Variants in PGGHG observed in about 807,000 individuals in gnomAD.
The protein encoded by PGGHG is ATH1, acid trehalase-like 1.
In PGGHG, 67 loss-of-function variants were observed where a neutral mutation model predicts 74.5. The observed-to-expected ratio is 0.90, with a 90% CI of 0.74 to 1.10. The LOEUF is 1.10. Among genes scored for constraint, PGGHG ranks in the 50% least tolerant of loss-of-function variants. The pLI is 0.00. For missense variants in PGGHG, 1,034 were observed against 981.5 expected (o/e 1.05, Z -0.72); for synonymous variants, 496 against 419.9 (o/e 1.18, Z -2.21).
At position 294,661 on chromosome 11, in the gene PGGHG, T is replaced by C. The variant is rs769858429; in HGVS notation, c.2126T>C (p.Val709Ala). ...TTCCCTGGGAGGACTTTTTCAGATG[T>C]TAGGGACCCGCTCCAGAGCCCCCTC... ...SEFPGRTFSD[V>A]RDPLQSPLWV... is the part of the protein sequence containing the mutation. Residue 709 changes from valine (V) to alanine (A), a missense_variant, in exon 14 of 14, where the codon GTT becomes GCT. Coordinates refer to ENST00000409548, the MANE Select transcript of PGGHG (RefSeq NM_025092.5). 5.0e-6 allele frequency: 8 copies of C among 1,613,704 alleles called. No homozygotes were observed. Among genetic ancestry groups the C allele is most frequent in the Non-Finnish European group, 6.8e-6 (8 of 1,179,946 alleles).
intron 6 of PGGHG, 63 bp from the exon 7 acceptor site, chr11:292,819 CACAG>C: frequency 6.2e-7 from 1 of 1,610,484 alleles, no homozygotes; most frequent in Middle Eastern, 1.9e-4. Flanking sequence ...TGCTTCTGGG[CACAG>C]ACAGGCCACT....
chr11:293,513 C>A lies in PGGHG; in HGVS notation c.1480+11C>A. The A allele has an allele frequency of 6.2e-7, 1 of 1,611,510 alleles. No individual in the cohort carries two copies. Among genetic ancestry groups the A allele is most frequent in the Non-Finnish European group, 8.5e-7 (1 of 1,179,872 alleles). ...ATGGGTATGAGCCTGGTGAGTGGACCCCTTCAAGGGCTCCTCCCCTGCCGT... is the reference window on the plus strand; with the variant it reads ...ATGGGTATGAGCCTGGTGAGTGGACACCTTCAAGGGCTCCTCCCCTGCCGT... On this transcript the variant is annotated intron_variant, in intron 9 of 13. Transcript: ENST00000409548.
rs1845818374 is a variant in PGGHG, at chr11:294,470, T to A, written c.2012T>A (p.Leu671Gln). 2.5e-6 allele frequency: 3 copies of A among 1,184,098 alleles called. No individual in the cohort carries two copies. Among genetic ancestry groups the A allele is most frequent in the Non-Finnish European group, 3.3e-6 (3 of 920,308 alleles). 73.3% of individuals were successfully genotyped at this position (1,184,098 alleles called of 1,614,324 possible). A position where few individuals can be genotyped will look rare whatever the true frequency, so the allele number is the denominator to read the frequency against. Residue 671 changes from leucine to glutamine, a missense_variant, in exon 13 of 14, where the codon CTG becomes CAG. Physicochemically the swap from Leu to Gln is moderately radical, Grantham distance 113 (BLOSUM62 -2). Transcript: ENST00000409548. ...TGGCCATCCCAGTCCCGGCTCTCCC[T>A]GTTGCCAGGTAGAACAGCCCCCAAC... is the stretch of plus-strand genomic sequence containing the variant. ...ELWPSQSRLS[L>Q]LPGHKVSFPR... is the part of the protein sequence containing the mutation.
Position 293,243 on chromosome 11 carries a change from A to G in PGGHG, c.1343+8A>G. On this transcript the variant is annotated splice_region_variant and intron_variant, in intron 8 of 13. Coordinates refer to ENST00000409548, the MANE Select transcript of PGGHG (RefSeq NM_025092.5). Reference sequence around the variant, plus strand: ...CGTCCTGGTCCAGAACAGGTCAGACACAAGATCCCCTCACCTCACCCCACC... The same window carrying G: ...CGTCCTGGTCCAGAACAGGTCAGACGCAAGATCCCCTCACCTCACCCCACC... 6.2e-7 allele frequency: 1 copy of G among 1,612,288 alleles called. No individual in the cohort carries two copies. The highest frequency in any genetic ancestry group is 8.5e-7 in the Non-Finnish European group (1 of 1,179,464).
At position 290,505 on chromosome 11, in the gene PGGHG, G is replaced by A. The variant is rs557163083; in HGVS notation, c.375G>A (p.Pro125=). 4.3e-4 allele frequency: 664 copies of A among 1,550,358 alleles called. 2 individuals carry two copies. The African/African-American group carries it at 8.1e-3, about 19-fold the overall frequency. The change falls in exon 3 of 14, where the codon CCG becomes CCA. Residue 125 remains proline (P), a synonymous_variant. Transcript: ENST00000409548. ...AFRVSIARLA[P]GSGPITLLLR... is the part of the protein sequence containing the mutation. ...GAGTGTCCATCGCCCGCCTGGCCCC[G>A]GGGAGCGGGCCCATCACGCTGCTCC...
Position 292,636 on chromosome 11 carries a change from G to GCC in PGGHG, c.1118_1119dup (p.Val374ProfsTer50). On this transcript the variant is annotated frameshift_variant, in exon 6 of 14. Transcript: ENST00000409548. LOFTEE classifies it high-confidence loss of function. The stretch of plus-strand genomic sequence containing the variant: ...AGTCCAGGAGGTCCACGTCAACGGG[G>GCC]CCGTGGTGTTGGCCTTCGAGCTGTA... 1 of 1,613,790 alleles carries GCC rather than the reference G, an allele frequency of 6.2e-7. No individual in the cohort carries two copies. Among genetic ancestry groups the GCC allele is most frequent in the South Asian group, 1.1e-5 (1 of 91,090 alleles).
At position 289,704 on chromosome 11, in the gene PGGHG, C is replaced by G; in HGVS notation, c.-13-100C>G. The G allele has an allele frequency of 7.2e-7, 1 of 1,394,640 alleles. No individual in the cohort carries two copies. The allele number at this position is 1,394,640 out of a possible 1,614,324, so 86.4% of individuals were successfully genotyped here. ...CGGGGCTGCCCAGCTGGTTCCGCAACTCCCCCCAGTTCTGAGGGAGGCTTC... is the reference window on the plus strand; with the variant it reads ...CGGGGCTGCCCAGCTGGTTCCGCAAGTCCCCCCAGTTCTGAGGGAGGCTTC... On this transcript the variant is annotated intron_variant, in intron 1 of 13. Coordinates refer to ENST00000409548, the MANE Select transcript of PGGHG (RefSeq NM_025092.5). The surrounding 1 kb of genome is among the most constrained non-coding windows in gnomAD (Gnocchi z 5.6).
intron 11 of PGGHG, 60 bp downstream of exon 11, chr11:293,985 T>G: frequency 1.3e-6 from 2 of 1,594,088 alleles, no homozygotes; most frequent in Non-Finnish European, 1.7e-6. Context: ...GAGCCCAGCC[T>G]CAGAGCAGGC....
In PGGHG at chr11:289,708, C is replaced by T; in HGVS notation, c.-13-96C>T. On this transcript the variant is annotated intron_variant, in intron 1 of 13. Coordinates refer to ENST00000409548, the MANE Select transcript of PGGHG (RefSeq NM_025092.5). The surrounding 1 kb of genome is among the most constrained non-coding windows in gnomAD (Gnocchi z 5.6). ...GCTGCCCAGCTGGTTCCGCAACTCC[C>T]CCCAGTTCTGAGGGAGGCTTCAGGG... 2 of 1,412,238 alleles carry T rather than the reference C, an allele frequency of 1.4e-6. No individual in the cohort carries two copies. The highest frequency in any genetic ancestry group is 9.3e-7 in the Non-Finnish European group (1 of 1,070,296). 87.5% of individuals were successfully genotyped at this position (1,412,238 alleles called of 1,614,324 possible). A position where few individuals can be genotyped will look rare whatever the true frequency, so the allele number is the denominator to read the frequency against.
rs1370880734 is a variant in PGGHG at position 293,405 on chromosome 11, T to G, written c.1383T>G (p.Leu461=). The G allele has an allele frequency of 1.9e-6, 3 of 1,612,488 alleles. No individual in the cohort carries two copies. The highest frequency in any genetic ancestry group is 2.5e-6 in the Non-Finnish European group (3 of 1,179,976). Residue 461 remains leucine, a synonymous_variant, in exon 9 of 14, where the codon CTT becomes CTG. Transcript: ENST00000409548. ...CTGCCCTGGCCCAGGACCTGGGTCTTCCCATCCCCAGCCAGTGGCTGGCGG... is the reference window on the plus strand; with the variant it reads ...CTGCCCTGGCCCAGGACCTGGGTCTGCCCATCCCCAGCCAGTGGCTGGCGG... ...FAAALAQDLG[L]PIPSQWLAVA...
intron 2 of PGGHG, 144 bp downstream of exon 2, chr11:290,219 C>T (rs970152898): frequency 1.5e-6 from 2 of 1,373,378 alleles, no homozygotes; most frequent in Non-Finnish European, 1.9e-6. Context: ...CCCGCAGGGT[C>T]CCCCCTTCCC....
intron 4 of PGGHG, chr11:291,748 C>T (rs1476930100): frequency 2.6e-5 from 14 of 544,310 alleles, no homozygotes; most frequent in East Asian, 3.5e-5. Context: ...GCCACACAAA[C>T]GCCGGCTGGG....
Position 293,689 on chromosome 11 carries a change from G to T in PGGHG, c.1576G>T (p.Glu526Ter). The T allele has an allele frequency of 6.2e-7, 1 of 1,613,218 alleles. No individual in the cohort carries two copies. Among genetic ancestry groups the T allele is most frequent in the African/African-American group, 1.3e-5 (1 of 75,016 alleles). ...TCGCAGGAAAAATCTGGAGATTTACGAGGCTGTGACGTCCCCCCAGGGCCC... is the reference window on the plus strand; with the variant it reads ...TCGCAGGAAAAATCTGGAGATTTACTAGGCTGTGACGTCCCCCCAGGGCCC... ...DVRRKNLEIYEAVTSPQGPAM... is the reference protein window; with the variant it reads ...DVRRKNLEIY Residue 526 changes from glutamate (E) to a stop codon, truncating the protein, a stop_gained, in exon 10 of 14, where the codon GAG becomes TAG. Coordinates refer to ENST00000409548, the MANE Select transcript of PGGHG (RefSeq NM_025092.5). LOFTEE classifies it high-confidence loss of function.
In PGGHG at chr11:292,577, CCGGCCTAGAGGTTTG is replaced by C. The variant is rs1281527835; in HGVS notation, c.1060_1074del (p.Gly354_Cys358del). ...AAGTTTGCCTGGGAGAGTGCAGACT[CCGGCCTAGAGGTTTG>C]CCCTGAGGACATTTACGGAGTCCAG... On this transcript the variant is annotated inframe_deletion, in exon 6 of 14. Coordinates refer to ENST00000409548, the MANE Select transcript of PGGHG (RefSeq NM_025092.5). 5 of 1,613,426 alleles carry C rather than the reference CCGGCCTAGAGGTTTG, an allele frequency of 3.1e-6. No homozygotes were observed. Among genetic ancestry groups the C allele is most frequent in the Non-Finnish European group, 4.2e-6 (5 of 1,179,990 alleles).
Position 290,731 on chromosome 11 carries a change from A to G in PGGHG, c.524A>G (p.Glu175Gly). 1.2e-6 allele frequency: 2 copies of G among 1,607,312 alleles called. No individual in the cohort carries two copies. Among genetic ancestry groups the G allele is most frequent in the South Asian group, 1.1e-5 (1 of 90,622 alleles). Residue 175 changes from glutamate to glycine, a missense_variant, in exon 4 of 14, where the codon GAG becomes GGG. Glu to Gly is a moderately conservative substitution (Grantham distance 98). Coordinates refer to ENST00000409548, the MANE Select transcript of PGGHG (RefSeq NM_025092.5). ...TPEQPGGPQQ[E>G]VHMLWTPAPP... ...GAGCAGCCCGGGGGGCCACAGCAAG[A>G]GGTACACATGCTGTGGACACCAGCA...
chr11:291,617 C>T (rs1247008042), intron 4 of PGGHG: 2 of 285,360 alleles, frequency 7.0e-6, no homozygotes, highest in Non-Finnish European at 1.3e-5. Context: ...GCTGCTCCAT[C>T]GTTGTCTGAG....
rs1457974577 is a variant in PGGHG at position 294,312 on chromosome 11, G to C, written c.1854G>C (p.Gly618=). 1 of 1,612,574 alleles carries C rather than the reference G, an allele frequency of 6.2e-7. No homozygotes were observed. Among genetic ancestry groups the C allele is most frequent in the Non-Finnish European group, 8.5e-7 (1 of 1,179,740 alleles). Residue 618 remains glycine (G), a synonymous_variant, in exon 13 of 14, where the codon GGG becomes GGC. Transcript: ENST00000409548. ...CCTTTGACCCTGTGTGTCTGTCGGGGATCTCCAGAGTGAGCGTCTCCGGCA... is the reference window on the plus strand; with the variant it reads ...CCTTTGACCCTGTGTGTCTGTCGGGCATCTCCAGAGTGAGCGTCTCCGGCA... ...GVTFDPVCLS[G]ISRVSVSGIF...
rs375250286 is a variant in PGGHG at position 292,535 on chromosome 11, C to T, written c.1027-11C>T. 6.2e-7 allele frequency: 1 copy of T among 1,612,652 alleles called. No homozygotes were observed. The highest frequency in any genetic ancestry group is 8.5e-7 in the Non-Finnish European group (1 of 1,179,578). On this transcript the variant is annotated splice_polypyrimidine_tract_variant and intron_variant, in intron 5 of 13. Transcript: ENST00000409548. ...CAACAAGGTCAAGTCTGCCCCCTCC[C>T]AACCCCTCAGGGAGCCAAGTTTGCC... is the stretch of plus-strand genomic sequence containing the variant.
At chr11:292,475 G>C in intron 5 of PGGHG, 71 bp from the exon 6 acceptor site, 4 of 1,583,214 alleles carry the variant, frequency 2.5e-6, no homozygotes, top group Non-Finnish European at 3.5e-6. Flanking sequence ...TCCAGGGCGA[G>C]GGCACGGGAA....
Sources: gnomAD v4.1 joint callset for allele counts on GRCh38, gnomAD v4.1.1 for gene constraint, Gnocchi (gnomAD v3.1) non-coding constraint, MANE v1.5 for transcripts, NCBI Gene and HGNC (gene_info 2026-07-23, HGNC 2026-07-21) for gene names.